Variants in GDPD4 observed in about 807,000 individuals in gnomAD.
The protein encoded by GDPD4 is glycerophosphodiester phosphodiesterase 6.
In GDPD4, 60 loss-of-function variants were observed where a neutral mutation model predicts 67.8. The observed-to-expected ratio is 0.88, with a 90% CI of 0.72 to 1.10. The LOEUF (loss-of-function observed/expected upper bound fraction) is 1.10. Among genes scored for constraint, GDPD4 ranks in the 50% least tolerant of loss-of-function variants. The pLI is 0.00. For missense variants in GDPD4, 623 were observed against 613.9 expected (o/e 1.01, Z -0.16); for synonymous variants, 212 against 210.9 (o/e 1.00, Z -0.04).
At chr11:77,225,048 G>C (rs1056983023) in intron 16 of GDPD4, among the ~76,000 whole-genome samples, 34 of 151,922 alleles carry the variant, frequency 2.2e-4, no homozygotes, top group Admixed American at 1.9e-3. Context: ...AGGTTGCAGT[G>C]AACCATGATC....
chr11:77,277,843 G>A (rs551906645), intron 4 of GDPD4, among the ~76,000 whole-genome samples: 68 of 151,678 alleles, frequency 4.5e-4, no homozygotes, highest in African/African-American at 1.6e-3. Flanking sequence ...GTCAATTTTA[G>A]ATCTTTCCTG....
At chr11:77,252,271 T>C (rs1591548616) in intron 11 of GDPD4, among the ~76,000 whole-genome samples, 1 of 151,868 alleles carries the variant, frequency 6.6e-6, no homozygotes, top group East Asian at 1.9e-4. Context: ...AGTATATTGG[T>C]CAGGCTGGTC....
chr11:77,298,291 C>A (rs1055687360), intron 1 of GDPD4, among the ~76,000 whole-genome samples: 1 of 152,144 alleles, frequency 6.6e-6, no homozygotes, highest in Non-Finnish European at 1.5e-5. Context: ...GCGGGCAGAT[C>A]ACCTGAGGTC....
Position 77,216,887 on chromosome 11 carries a change from T to A in GDPD4, c.*390A>T. The A allele has an allele frequency of 1.5e-6, 1 of 680,850 alleles. No homozygotes were observed. The highest frequency in any genetic ancestry group is 2.7e-6 in the Non-Finnish European group (1 of 374,870). 42.2% of individuals were successfully genotyped at this position (680,850 alleles called of 1,614,324 possible). A position where few individuals can be genotyped will look rare whatever the true frequency, so the allele number is the denominator to read the frequency against. ...AGATGCAATGGAATATATTGTGACA[T>A]AGGATTATTTGGAGTATTCAGCCAT... On this transcript the variant is annotated 3_prime_UTR_variant, in exon 17 of 17. Transcript: ENST00000315938.
intron 2 of GDPD4, among the ~76,000 whole-genome samples, chr11:77,286,635 G>T (rs1591578655): frequency 6.6e-6 from 1 of 152,166 alleles, no homozygotes; most frequent in African/African-American, 2.4e-5. Context: ...TCTCATTTCA[G>T]TGTGCTGATC....
At chr11:77,277,224 TA>T (rs34429129) in intron 4 of GDPD4, among the ~76,000 whole-genome samples, 3,014 of 134,656 alleles carry the variant, frequency 0.022, 22 homozygotes, top group African/African-American at 0.03. Flanking sequence ...TTTCCCCATG[TA>T]AAAAAAAAAA....
intron 1 of GDPD4, among the ~76,000 whole-genome samples, chr11:77,296,805 G>A (rs1343311568): frequency 6.6e-6 from 1 of 150,458 alleles, no homozygotes; most frequent in East Asian, 2.0e-4. Context: ...CATGCCTGTA[G>A]TCCTAGCACT....
rs554612371 is a variant in GDPD4, at chr11:77,236,892, C to G, written c.1242-3720G>C. Reference sequence around the variant, plus strand: ...GAAGAAAGAAGGAATAAGTCTTGATCTTGAGAAGTCTGAGAAGTCTCCTTC... The same window carrying G: ...GAAGAAAGAAGGAATAAGTCTTGATGTTGAGAAGTCTGAGAAGTCTCCTTC... On this transcript the variant is annotated intron_variant, in intron 13 of 16. Coordinates refer to ENST00000315938, the MANE Select transcript of GDPD4 (RefSeq NM_182833.3). Among the ~76,000 whole-genome samples, 179 of 152,280 alleles carry G rather than the reference C, an allele frequency of 1.2e-3. 1 individual carries two copies. Among genetic ancestry groups the G allele is most frequent in the African/African-American group, 4.1e-3 (171 of 41,554 alleles).
intron 13 of GDPD4, among the ~76,000 whole-genome samples, chr11:77,233,710 T>C (rs1218324789): frequency 6.6e-6 from 1 of 152,226 alleles, no homozygotes; most frequent in Non-Finnish European, 1.5e-5. Flanking sequence ...TTATCAGTTC[T>C]TTACTTGACT....
intron 10 of GDPD4, among the ~76,000 whole-genome samples, 167 bp downstream of exon 10, chr11:77,268,290 G>C (rs571263832): frequency 6.6e-6 from 1 of 152,156 alleles, no homozygotes; most frequent in East Asian, 1.9e-4. Context: ...GCAGAGGTGC[G>C]GTTTGTGAGA....
intron 16 of GDPD4, among the ~76,000 whole-genome samples, chr11:77,221,491 C>A (rs907848305): frequency 6.6e-6 from 1 of 152,020 alleles, no homozygotes; most frequent in Admixed American, 6.5e-5. Flanking sequence ...CGTTATGTAC[C>A]CAGTAGTCAT....
intron 13 of GDPD4, among the ~76,000 whole-genome samples, chr11:77,241,991 C>T (rs1189061671): frequency 6.6e-6 from 1 of 151,778 alleles, no homozygotes; most frequent in African/African-American, 2.4e-5. Context: ...TGTTGGTTAC[C>T]AAAGGCTAAT....
At chr11:77,237,416 A>G (rs1005679207) in intron 13 of GDPD4, among the ~76,000 whole-genome samples, 1 of 152,244 alleles carries the variant, frequency 6.6e-6, no homozygotes, top group Admixed American at 6.5e-5. Context: ...AAATGAATAT[A>G]AAATTTTCAA....
At chr11:77,254,537 C>A (rs999762751) in intron 11 of GDPD4, among the ~76,000 whole-genome samples, 37 of 152,178 alleles carry the variant, frequency 2.4e-4, no homozygotes, top group Admixed American at 2.2e-3. Context: ...GCTGTCATTT[C>A]TCCTTTGAGT....
intron 13 of GDPD4, among the ~76,000 whole-genome samples, chr11:77,238,646 AT>A (rs1427417729): frequency 2.0e-5 from 3 of 151,996 alleles, no homozygotes; most frequent in Non-Finnish European, 2.9e-5. Context: ...TTTATTTAAC[AT>A]TTTTTTAAAA....
intron 1 of GDPD4, among the ~76,000 whole-genome samples, chr11:77,295,919 A>G (rs1011949781): frequency 6.6e-6 from 1 of 152,172 alleles, no homozygotes; most frequent in African/African-American, 2.4e-5. Context: ...TATACACTAA[A>G]TAAGGGTGAA....
chr11:77,279,309 C>G lies in GDPD4; in HGVS notation c.144G>C (p.Leu48=). Residue 48 remains leucine (L), a synonymous_variant, in exon 4 of 17, where the codon CTG becomes CTC. Coordinates refer to ENST00000315938, the MANE Select transcript of GDPD4 (RefSeq NM_182833.3). ...ARILTAYSSL[L]LLLGFLLLWE... is the part of the protein sequence containing the mutation. ...AGAAATGAGAAGCATTACTCACCAA[C>G]AGCAATGAAGAGTAGGCAGTCAGGA... The G allele has an allele frequency of 6.3e-7, 1 of 1,591,140 alleles. No homozygotes were observed. The highest frequency in any genetic ancestry group is 2.2e-5 in the East Asian group (1 of 44,772).
intron 16 of GDPD4, among the ~76,000 whole-genome samples, chr11:77,227,523 G>C (rs1958366485): frequency 6.6e-6 from 1 of 152,314 alleles, no homozygotes; most frequent in South Asian, 2.1e-4. Flanking sequence ...ACCCTCCAGA[G>C]ACATCTTTCG....
chr11:77,281,109 C>T (rs576403874), intron 3 of GDPD4, among the ~76,000 whole-genome samples: 2 of 152,268 alleles, frequency 1.3e-5, no homozygotes, highest in East Asian at 3.9e-4. Flanking sequence ...TGGATGTAGG[C>T]CTACTCACTC....
Sources: gnomAD v4.1 joint callset for allele counts (sites outside exome capture counted in the v4.1 genomes callset) on GRCh38, gnomAD v4.1.1 for gene constraint, MANE v1.5 for transcripts, NCBI Gene and HGNC (gene_info 2026-07-23, HGNC 2026-07-21) for gene names.